The following CPA6 variants were observed in gnomAD, a reference collection of about 807,000 sequenced individuals.
CPA6 encodes carboxypeptidase B.
Under a neutral mutation model 63.3 loss-of-function variants are expected in CPA6, and 58 were observed. The ratio of observed to expected loss-of-function variants is 0.92; its 90% CI spans 0.74 to 1.14. The LOEUF (loss-of-function observed/expected upper bound fraction) is 1.14, where lower values mean the gene tolerates loss of function less well. CPA6 is among the 50% of genes most tolerant of loss of function. The probability of loss-of-function intolerance (pLI) is 0.00; values close to 1 mark genes in which losing one functional copy is unlikely to be tolerated. For missense variants in CPA6, 565 were observed against 526.6 expected (o/e 1.07, Z -0.71); for synonymous variants, 185 against 179.0 (o/e 1.03, Z -0.27).
chr8:67,742,350 C>A (rs955074600), intron 1 of CPA6, among the ~76,000 whole-genome samples: 2 of 152,094 alleles, frequency 1.3e-5, no homozygotes, highest in Non-Finnish European at 2.9e-5. Context: ...AAGAGTAAAT[C>A]TTCCAGTTTT....
intron 1 of CPA6, among the ~76,000 whole-genome samples, chr8:67,631,139 G>A (rs192750400): frequency 4.6e-5 from 7 of 152,354 alleles, no homozygotes; most frequent in African/African-American, 2.4e-5. Flanking sequence ...CTCCACCCGT[G>A]GCCCCGGTGT....
intron 2 of CPA6, among the ~76,000 whole-genome samples, chr8:67,605,852 C>T (rs1340562191): frequency 6.6e-6 from 1 of 151,982 alleles, no homozygotes; most frequent in Admixed American, 6.6e-5. Flanking sequence ...TTTACAGATC[C>T]ACTATACCCT....
intron 2 of CPA6, among the ~76,000 whole-genome samples, chr8:67,528,305 GGAGT>G (rs1587525337): frequency 6.6e-6 from 1 of 152,134 alleles, no homozygotes; most frequent in East Asian, 1.9e-4. Flanking sequence ...GAAGGGAGTG[GGAGT>G]GAGAGGCTCC....
intron 2 of CPA6, among the ~76,000 whole-genome samples, chr8:67,609,893 G>T (rs1210502775): frequency 6.6e-6 from 1 of 152,114 alleles, no homozygotes; most frequent in Non-Finnish European, 1.5e-5. Context: ...ATGGTGGCTT[G>T]TGCCTGTAAT....
intron 8 of CPA6, among the ~76,000 whole-genome samples, chr8:67,460,714 TA>T (rs1305263136): frequency 6.6e-6 from 1 of 152,254 alleles, no homozygotes; most frequent in African/African-American, 2.4e-5. Flanking sequence ...TATTGCATTA[TA>T]ATAAAATATA....
At chr8:67,569,509 G>A in intron 2 of CPA6, 1 of 427,560 alleles carries the variant, frequency 2.3e-6, no homozygotes, top group Non-Finnish European at 4.9e-6. Context: ...ATCTAACAGT[G>A]ATGAATCAGT....
intron 1 of CPA6, among the ~76,000 whole-genome samples, chr8:67,714,431 T>C (rs1403976152): frequency 6.6e-6 from 1 of 152,242 alleles, no homozygotes; most frequent in African/African-American, 2.4e-5. Context: ...CCTTCAGGCA[T>C]AACGTTTAAA....
At chr8:67,585,212 G>A (rs752315618) in intron 2 of CPA6, among the ~76,000 whole-genome samples, 21 of 152,206 alleles carry the variant, frequency 1.4e-4, no homozygotes, top group Non-Finnish European at 1.3e-4. Context: ...GTCAGTTTGA[G>A]ATAATGACTT....
chr8:67,463,242 G>C (rs1810853120), intron 8 of CPA6, among the ~76,000 whole-genome samples: 1 of 151,960 alleles, frequency 6.6e-6, no homozygotes, highest in Non-Finnish European at 1.5e-5. Flanking sequence ...TCAGGAGTTC[G>C]AGACCAGCCT....
intron 2 of CPA6, among the ~76,000 whole-genome samples, chr8:67,550,412 A>G (rs1451321836): frequency 6.6e-6 from 1 of 152,186 alleles, no homozygotes; most frequent in African/African-American, 2.4e-5. Context: ...CATGGTATAT[A>G]TGTACCACAT....
At chr8:67,475,810 TTTCTTTCCTTTCTTTTC>T (rs1563967494) in intron 8 of CPA6, among the ~76,000 whole-genome samples, 15 of 73,762 alleles carry the variant, frequency 2.0e-4, no homozygotes, top group Middle Eastern at 7.1e-3. Flanking sequence ...TCTTTCTTTC[TTTCTTTCCTTTCTTTTC>T]TTTCTTTCTT....
At chr8:67,576,569 G>A (rs567110483) in intron 2 of CPA6, among the ~76,000 whole-genome samples, 1 of 152,332 alleles carries the variant, frequency 6.6e-6, no homozygotes, top group African/African-American at 2.4e-5. Flanking sequence ...CCACTATCAA[G>A]CATATTTCTG....
intron 8 of CPA6, among the ~76,000 whole-genome samples, chr8:67,438,037 C>T (rs1056669494): frequency 1.3e-5 from 2 of 152,162 alleles, no homozygotes; most frequent in East Asian, 1.9e-4. Context: ...CTGCCTCAGC[C>T]TCCCGAGTAC....
intron 1 of CPA6, among the ~76,000 whole-genome samples, chr8:67,653,299 G>A (rs1004521407): frequency 6.6e-6 from 1 of 152,166 alleles, no homozygotes; most frequent in Non-Finnish European, 1.5e-5. Flanking sequence ...GTAGCTTGAT[G>A]GGGAGGGCAA....
intron 8 of CPA6, among the ~76,000 whole-genome samples, chr8:67,476,798 C>G (rs1811250419): frequency 6.6e-6 from 1 of 152,202 alleles, no homozygotes; most frequent in Non-Finnish European, 1.5e-5. Context: ...TCCCTCACTT[C>G]TCTCTTAGTT....
intron 2 of CPA6, among the ~76,000 whole-genome samples, chr8:67,601,149 A>AAT (rs1814487867): frequency 6.6e-6 from 1 of 152,140 alleles, no homozygotes; most frequent in African/African-American, 2.4e-5. Context: ...ATGCCACATA[A>AAT]ATAATGTGTA....
In CPA6 at chr8:67,447,378, C is replaced by T. The variant is rs1286997186; in HGVS notation, c.839-13138G>A. Among the ~76,000 whole-genome samples the T allele has an allele frequency of 2.6e-5, 4 of 152,044 alleles. No homozygotes were observed. The East Asian group carries it at 5.8e-4, about 22-fold the overall frequency. On this transcript the variant is annotated intron_variant, in intron 8 of 10. Coordinates refer to ENST00000297770, the MANE Select transcript of CPA6 (RefSeq NM_020361.5). ...TACAATAAAGAAAGTGGGGACATGA[C>T]TACTGACCTGAAAGAAACAATAATG... is the stretch of plus-strand genomic sequence containing the variant.
chr8:67,501,557 G>T (rs1211768748), intron 6 of CPA6, among the ~76,000 whole-genome samples: 2 of 152,070 alleles, frequency 1.3e-5, no homozygotes, highest in African/African-American at 4.8e-5. Context: ...GGATTACAAT[G>T]ATTAACTTTT....
rs187688937 is a variant in CPA6 at position 67,523,787 on chromosome 8, T to C, written c.193-5740A>G. ...GTACCATGGGATGGGGCTCTCAGTG[T>C]CCTCCAGAAGCTTCAGTGTGAGTCC... On this transcript the variant is annotated intron_variant, in intron 2 of 10. Coordinates refer to ENST00000297770, the MANE Select transcript of CPA6 (RefSeq NM_020361.5). Among the ~76,000 whole-genome samples, 148 of 152,300 alleles carry C rather than the reference T, an allele frequency of 9.7e-4. 1 individual carries two copies. The highest frequency in any genetic ancestry group is 7.4e-3 in the Admixed American group (113 of 15,294).
Sources: allele counts gnomAD v4.1 joint callset (sites outside exome capture counted in the v4.1 genomes callset), GRCh38; gene constraint gnomAD v4.1.1; transcripts MANE v1.5; gene names NCBI Gene and HGNC (gene_info 2026-07-23, HGNC 2026-07-21).